SPTAN1: variants seen among roughly 807,000 people sequenced by gnomAD.
The protein encoded by SPTAN1 is spectrin alpha chain, non-erythrocytic 1.
Under a neutral mutation model 331.3 loss-of-function variants are expected in SPTAN1, and 61 were observed. That is an observed-to-expected ratio of 0.18 (90% CI 0.15 to 0.23). The LOEUF (loss-of-function observed/expected upper bound fraction) is 0.23, where lower values mean the gene tolerates loss of function less well. SPTAN1 is among the 10% of genes least tolerant of loss of function. SPTAN1 has a pLI of 1.00. For missense variants in SPTAN1, 2,043 were observed against 3,147.9 expected (o/e 0.65, Z 8.40); for synonymous variants, 1,153 against 1,173.9 (o/e 0.98, Z 0.36).
At chr9:128,628,039 T>C (rs757122103) in intron 51 of SPTAN1, 97 bp downstream of exon 51, 2 of 1,478,888 alleles carry the variant, frequency 1.4e-6, no homozygotes, top group Non-Finnish European at 1.9e-6. Context: ...GGGATGGGCC[T>C]TCCTGCCCAG....
chr9:128,616,142 G>A (rs1857137953), intron 41 of SPTAN1, among the ~76,000 whole-genome samples: 1 of 152,128 alleles, frequency 6.6e-6, no homozygotes, highest in Non-Finnish European at 1.5e-5. Context: ...CAAGGAAGGA[G>A]TTGCTTTTTT....
At position 128,633,644 on chromosome 9, in the gene SPTAN1, A is replaced by AATG. The variant is rs563573561; in HGVS notation, c.*315_*317dup. The AATG allele has an allele frequency of 2.0e-4, 272 of 1,386,044 alleles. No homozygotes were observed. Among genetic ancestry groups the AATG allele is most frequent in the Non-Finnish European group, 2.5e-4 (257 of 1,013,412 alleles). 85.9% of individuals were successfully genotyped at this position (1,386,044 alleles called of 1,614,324 possible). A position where few individuals can be genotyped will look rare whatever the true frequency, so the allele number is the denominator to read the frequency against. On this transcript the variant is annotated 3_prime_UTR_variant, in exon 57 of 57. Transcript: ENST00000372739. ...TCTGTTTTCATGTAAAAGACAAATAAATGATGACTTCCCCCAAAGCTTTGC... is the reference window on the plus strand; with the variant it reads ...TCTGTTTTCATGTAAAAGACAAATAAATGATGATGACTTCCCCCAAAGCTTTGC...
intron 44 of SPTAN1, among the ~76,000 whole-genome samples, chr9:128,620,632 C>T (rs1320498596): frequency 6.6e-5 from 10 of 151,968 alleles, no homozygotes; most frequent in East Asian, 1.9e-4. Context: ...GCAGGAGAAT[C>T]GCTTGAACCT....
At chr9:128,608,344 A>G (rs1210320119) in intron 34 of SPTAN1, 68 bp downstream of exon 34, 76 of 1,595,008 alleles carry the variant, frequency 4.8e-5, no homozygotes, top group Non-Finnish European at 6.4e-5. Flanking sequence ...CTTGGCTTAT[A>G]TAGTCACTGT....
chr9:128,580,806 GA>G, intron 10 of SPTAN1, 115 bp from the exon 11 acceptor site: 14 of 1,490,608 alleles, frequency 9.4e-6, no homozygotes, highest in Admixed American at 1.7e-5. Flanking sequence ...TTGCAAATCG[GA>G]AAAAAGGCCT....
chr9:128,568,960 A>T, intron 3 of SPTAN1, 63 bp downstream of exon 3: 3 of 1,608,546 alleles, frequency 1.9e-6, no homozygotes, highest in South Asian at 1.1e-5. Flanking sequence ...AGATTCATGC[A>T]TACATGTCAG....
rs903460310 is a variant in SPTAN1 at position 128,627,038 on chromosome 9, C to G, written c.6577-348C>G. On this transcript the variant is annotated intron_variant, in intron 49 of 56. Coordinates refer to ENST00000372739, the MANE Select transcript of SPTAN1 (RefSeq NM_001130438.3). The surrounding 1 kb of genome is among the most constrained non-coding windows in gnomAD (Gnocchi z 4.9). ...ATGTTGCCCAGGCTGGTCTTCAACT[C>G]CTGGCCTCAAGCAGTCCTCCTGCCC... 1 of 547,512 alleles carries G rather than the reference C, an allele frequency of 1.8e-6. No homozygotes were observed. The highest frequency in any genetic ancestry group is 3.5e-6 in the Non-Finnish European group (1 of 287,992). The allele number at this position is 547,512 out of a possible 1,614,324, so 33.9% of individuals were successfully genotyped here. A position where few individuals can be genotyped will look rare whatever the true frequency, so the allele number is the denominator to read the frequency against.
intron 1 of SPTAN1, among the ~76,000 whole-genome samples, chr9:128,565,034 G>C (rs1278745497): frequency 2.0e-5 from 3 of 152,258 alleles, no homozygotes; most frequent in African/African-American, 4.8e-5. Context: ...GTCGGGGGCA[G>C]TGGCTCACAC....
intron 26 of SPTAN1, 188 bp downstream of exon 26, chr9:128,599,174 A>C: frequency 1.5e-6 from 1 of 664,890 alleles, no homozygotes; most frequent in East Asian, 3.0e-5. Context: ...TCACTCTGTC[A>C]ACCAGGCTGG....
At chr9:128,554,314 T>C (rs768183025) in intron 1 of SPTAN1, among the ~76,000 whole-genome samples, 3 of 152,174 alleles carry the variant, frequency 2.0e-5, no homozygotes, top group Non-Finnish European at 4.4e-5. Context: ...TCTGATATGC[T>C]TTGGTCTTGG....
chr9:128,560,834 T>C (rs944617326), intron 1 of SPTAN1, among the ~76,000 whole-genome samples: 1 of 147,962 alleles, frequency 6.8e-6, no homozygotes, highest in African/African-American at 2.5e-5. Flanking sequence ...CTGGCCAATA[T>C]GGTGAAACCC....
chr9:128,567,081 G>C lies in SPTAN1; in HGVS notation c.237+104G>C, dbSNP rs1392556857. The C allele has an allele frequency of 2.0e-6, 3 of 1,507,506 alleles. No individual in the cohort carries two copies. The East Asian group carries it at 6.8e-5, about 34-fold the overall frequency. 93.4% of individuals were successfully genotyped at this position (1,507,506 alleles called of 1,614,324 possible). On this transcript the variant is annotated intron_variant, in intron 2 of 56. Transcript: ENST00000372739. ...ACTTAATTATGACCTTGAGAGATTG[G>C]ACAAGAAGAATATAATAAGGAAGGA...
chr9:128,603,435 A>T, intron 27 of SPTAN1, 108 bp from the exon 28 acceptor site: 2 of 1,138,090 alleles, frequency 1.8e-6, no homozygotes, highest in African/African-American at 1.5e-5. Flanking sequence ...GTATCCCTTT[A>T]AGGTAATTTG....
At chr9:128,617,512 A>G in intron 41 of SPTAN1, 128 bp from the exon 42 acceptor site, 1 of 1,420,026 alleles carries the variant, frequency 7.0e-7, no homozygotes, top group South Asian at 1.2e-5. Flanking sequence ...TTTGTTGTTC[A>G]GAAAACTGGC....
rs555847475 is a variant in SPTAN1 at position 128,589,566 on chromosome 9, G to A, written c.3006+623G>A. On this transcript the variant is annotated intron_variant, in intron 21 of 56. Transcript: ENST00000372739. ...GCTGGGATTACAGGCATGAGCCGCC[G>A]TGCCCGGCCTTTTTTTTTTTTTTTT... 5.6e-4 allele frequency among the ~76,000 whole-genome samples: 70 copies of A among 124,136 alleles called. No individual in the cohort carries two copies. In the South Asian group the frequency reaches 0.016, roughly 29 times the overall value. The allele number at this position is 124,136 out of a possible 152,430, so 81.4% of individuals were successfully genotyped here.
rs1445682776 is a variant in SPTAN1, at chr9:128,632,894, G to A, written c.7247G>A (p.Ser2416Asn). ...GTCAAGTCCAGCGAGGAGATTGAGA[G>A]CGCCTTCCGGGCCCTCAGCTCAGAG... ...ENVKSSEEIE[S>N]AFRALSSEGK... is the part of the protein sequence containing the mutation. Residue 2416 changes from serine (S) to asparagine (N), a missense_variant, in exon 56 of 57, where the codon AGC (serine) becomes AAC (asparagine). Coordinates refer to ENST00000372739, the MANE Select transcript of SPTAN1 (RefSeq NM_001130438.3). The A allele has an allele frequency of 6.2e-7, 1 of 1,613,898 alleles. No homozygotes were observed. Among genetic ancestry groups the A allele is most frequent in the Non-Finnish European group, 8.5e-7 (1 of 1,180,032 alleles).
chr9:128,627,988 T>C lies in SPTAN1; in HGVS notation c.6707+46T>C, dbSNP rs1240691852. On this transcript the variant is annotated intron_variant, in intron 51 of 56. Coordinates refer to ENST00000372739, the MANE Select transcript of SPTAN1 (RefSeq NM_001130438.3). This position sits in a 1 kb window ranked among gnomAD's most constrained non-coding sequence, Gnocchi z 4.9. ...TCTCTGGGCTTGTCATGTGGGGGTC[T>C]CGTGCGCTTGCCCCTCGTGGCCTGG... The C allele has an allele frequency of 3.1e-6, 5 of 1,613,258 alleles. No individual in the cohort carries two copies. Among genetic ancestry groups the C allele is most frequent in the African/African-American group, 1.3e-5 (1 of 74,898 alleles).
At position 128,577,755 on chromosome 9, in the gene SPTAN1, G is replaced by A. The variant is rs1851473565; in HGVS notation, c.1085+249G>A. On this transcript the variant is annotated intron_variant, in intron 8 of 56. Transcript: ENST00000372739. This position sits in a 1 kb window ranked among gnomAD's most constrained non-coding sequence, Gnocchi z 4.2. ...CACTGCATTATGATTGATAGAATGG[G>A]AATGTCCCTTTAAGTATCTGAGTAT... 6.6e-6 allele frequency among the ~76,000 whole-genome samples: 1 copy of A among 152,200 alleles called. No individual in the cohort carries two copies. The highest frequency in any genetic ancestry group is 1.5e-5 in the Non-Finnish European group (1 of 68,044).
intron 37 of SPTAN1, among the ~76,000 whole-genome samples, chr9:128,609,986 C>G (rs563108421): frequency 2.4e-4 from 36 of 152,322 alleles, no homozygotes; most frequent in Admixed American, 1.8e-3. Context: ...GATGGAACAT[C>G]AGCTTCAGCT....
Sources: gnomAD v4.1 joint callset for allele counts (sites outside exome capture counted in the v4.1 genomes callset) on GRCh38, gnomAD v4.1.1 for gene constraint, Gnocchi (gnomAD v3.1) non-coding constraint, MANE v1.5 for transcripts, NCBI Gene and HGNC (gene_info 2026-07-23, HGNC 2026-07-21) for gene names.